CACNA1C: variants seen among roughly 807,000 people sequenced by gnomAD.
CACNA1C encodes the protein voltage-dependent L-type calcium channel subunit alpha-1C.
A neutral mutation model predicts 229.0 loss-of-function variants in CACNA1C; 30 were observed. The ratio of observed to expected loss-of-function variants is 0.13; its 90% CI spans 0.10 to 0.18. The LOEUF (loss-of-function observed/expected upper bound fraction) is 0.18, where lower values mean the gene tolerates loss of function less well. CACNA1C is among the 10% of genes least tolerant of loss of function. The pLI is 1.00. For synonymous variants in CACNA1C, 1,114 were observed against 1,132.5 expected (o/e 0.98, Z 0.33); for missense variants, 1,658 against 2,845.0 (o/e 0.58, Z 9.49).
rs2099056927 is a variant in CACNA1C at position 2,428,871 on chromosome 12, G to A, written c.478-20105G>A. Reference sequence around the variant, plus strand: ...TTGTCACGCTGATTCTGTGCAAAGAGGAGAAGCTGGGAGCATCTTAGGTGA... The same window carrying A: ...TTGTCACGCTGATTCTGTGCAAAGAAGAGAAGCTGGGAGCATCTTAGGTGA... On this transcript the variant is annotated intron_variant, in intron 3 of 46. Transcript: ENST00000399655. Among the ~76,000 whole-genome samples, 3 of 152,334 alleles carry A rather than the reference G, an allele frequency of 2.0e-5. No individual in the cohort carries two copies. The South Asian group carries it at 6.2e-4, about 32-fold the overall frequency.
At chr12:2,650,827 C>T (rs535459401) in intron 31 of CACNA1C, among the ~76,000 whole-genome samples, 14 of 152,274 alleles carry the variant, frequency 9.2e-5, no homozygotes, top group African/African-American at 3.4e-4. Flanking sequence ...GGGAGACCAT[C>T]TGCAGAAGCC....
At chr12:2,088,800 AAC>A (rs1156633106) in intron 1 of CACNA1C, among the ~76,000 whole-genome samples, 1 of 152,142 alleles carries the variant, frequency 6.6e-6, no homozygotes, top group Non-Finnish European at 1.5e-5. Context: ...GATGACCATC[AAC>A]ACACGGGGAA....
At chr12:1,992,077 G>A (rs2039557822) in intron 1 of CACNA1C, 1 of 368,978 alleles carries the variant, frequency 2.7e-6, no homozygotes, top group South Asian at 2.6e-5. Context: ...GGGTCCTGGA[G>A]TTGGAATTCC....
intron 43 of CACNA1C, among the ~76,000 whole-genome samples, chr12:2,685,197 C>T (rs2097385225): frequency 6.6e-6 from 1 of 151,600 alleles, no homozygotes; most frequent in Non-Finnish European, 1.5e-5. Flanking sequence ...GCCTGGAAGC[C>T]ATAGACTAGA....
In CACNA1C at chr12:2,666,589, T is replaced by C; in HGVS notation, c.4527-97T>C. The C allele has an allele frequency of 2.9e-6, 2 of 697,884 alleles. No homozygotes were observed. The highest frequency in any genetic ancestry group is 5.1e-6 in the Non-Finnish European group (2 of 391,016). 43.2% of individuals were successfully genotyped at this position (697,884 alleles called of 1,614,324 possible). A position where few individuals can be genotyped will look rare whatever the true frequency, so the allele number is the denominator to read the frequency against. ...CTACCACACTGTGCAGTGTTGCCCATATGAGTGGGCCCTACCCCTCAGGCG... is the reference window on the plus strand; with the variant it reads ...CTACCACACTGTGCAGTGTTGCCCACATGAGTGGGCCCTACCCCTCAGGCG... On this transcript the variant is annotated intron_variant, in intron 36 of 46. Transcript: ENST00000399655. The surrounding 1 kb of genome is among the most constrained non-coding windows in gnomAD (Gnocchi z 5.3).
Position 2,678,504 on chromosome 12 carries a change from A to G in CACNA1C, c.5091+637A>G, listed in dbSNP as rs957492130. Among the ~76,000 whole-genome samples, 2 of 152,144 alleles carry G rather than the reference A, an allele frequency of 1.3e-5. No homozygotes were observed. Among genetic ancestry groups the G allele is most frequent in the African/African-American group, 4.8e-5 (2 of 41,426 alleles). ...ACTCATTTGTGTTGCCTGCCTCACC[A>G]CGCTGGTGTTTGGTTACAAATCCTT... On this transcript the variant is annotated intron_variant, in intron 41 of 46. Transcript: ENST00000399655. The surrounding 1 kb of genome is among the most constrained non-coding windows in gnomAD (Gnocchi z 4.1).
chr12:2,417,308 C>T (rs2098920988), intron 3 of CACNA1C, among the ~76,000 whole-genome samples: 1 of 152,234 alleles, frequency 6.6e-6, no homozygotes, highest in South Asian at 2.1e-4. Flanking sequence ...TTGTGACCCA[C>T]TTGCAGTCAT....
chr12:2,276,088 T>C (rs1323300285), intron 3 of CACNA1C, among the ~76,000 whole-genome samples: 4 of 151,964 alleles, frequency 2.6e-5, no homozygotes, highest in Admixed American at 2.0e-4. Context: ...GATTTTTTTT[T>C]CCTAATATTT....
intron 8 of CACNA1C, among the ~76,000 whole-genome samples, chr12:2,511,446 G>C (rs768037136): frequency 2.0e-5 from 3 of 152,108 alleles, no homozygotes; most frequent in Non-Finnish European, 4.4e-5. Context: ...GCCTTTCCTA[G>C]AGTGTGGCTT....
chr12:2,580,774 C>T (rs2060200191), intron 13 of CACNA1C, among the ~76,000 whole-genome samples: 1 of 152,192 alleles, frequency 6.6e-6, no homozygotes, highest in Non-Finnish European at 1.5e-5. Flanking sequence ...CCCCTCAGGA[C>T]CGAGCTCCTG....
At chr12:2,115,657 G>C (rs540215817) in intron 2 of CACNA1C, 112 bp downstream of exon 2, 2 of 989,672 alleles carry the variant, frequency 2.0e-6, no homozygotes, top group African/African-American at 3.2e-5. Flanking sequence ...TACAAACGGG[G>C]CCTCGGGCCT....
At chr12:2,072,912 C>G (rs1484145260) in intron 1 of CACNA1C, among the ~76,000 whole-genome samples, 1 of 152,062 alleles carries the variant, frequency 6.6e-6, no homozygotes, top group Admixed American at 6.6e-5. Flanking sequence ...ACAAGCATAA[C>G]CAATTTTGAC....
chr12:2,585,379 T>C lies in CACNA1C; in HGVS notation c.2343T>C (p.Thr781=), dbSNP rs764664452. 1 of 1,612,712 alleles carries C rather than the reference T, an allele frequency of 6.2e-7. No individual in the cohort carries two copies. The highest frequency in any genetic ancestry group is 8.5e-7 in the Non-Finnish European group (1 of 1,179,372). ...TTTTCTGCTGCTGACTGGCCAGGAC[T>C]GCCAGCCCAGAGAAGAAACAAGAGT... ...EEKERKKLAR[T]ASPEKKQELV... The change falls in exon 17 of 47, where the codon ACT becomes ACC. Residue 781 remains threonine (T), a synonymous_variant. Coordinates refer to ENST00000399655, the MANE Select transcript of CACNA1C (RefSeq NM_000719.7). The surrounding 1 kb of genome is among the most constrained non-coding windows in gnomAD (Gnocchi z 4.1).
In CACNA1C at chr12:2,138,206, A is replaced by G. The variant is rs970362564; in HGVS notation, c.477+17776A>G. 5.3e-5 allele frequency among the ~76,000 whole-genome samples: 8 copies of G among 151,418 alleles called. 1 individual carries two copies. The highest frequency in any genetic ancestry group is 1.7e-4 in the African/African-American group (7 of 41,374). The stretch of plus-strand genomic sequence containing the variant: ...TGAGTCCTGAGGAACAAGGTCAGGC[A>G]TCAAGAATAAGGAAGGCCAGGATAT... On this transcript the variant is annotated intron_variant, in intron 3 of 46. Coordinates refer to ENST00000399655, the MANE Select transcript of CACNA1C (RefSeq NM_000719.7).
intron 3 of CACNA1C, among the ~76,000 whole-genome samples, chr12:2,309,496 C>T (rs1449651381): frequency 6.6e-6 from 1 of 151,784 alleles, no homozygotes; most frequent in South Asian, 2.1e-4. Flanking sequence ...CACACATACA[C>T]ACACACACAC....
At position 2,294,131 on chromosome 12, in the gene CACNA1C, C is replaced by T. The variant is rs188624351; in HGVS notation, c.478-154845C>T. ...GGGCATATAATTTAAAATGAAATAT[C>T]GATTGGTAATATATTAATGAAGAGT... On this transcript the variant is annotated intron_variant, in intron 3 of 46. Coordinates refer to ENST00000399655, the MANE Select transcript of CACNA1C (RefSeq NM_000719.7). 1.4e-3 allele frequency among the ~76,000 whole-genome samples: 207 copies of T among 152,182 alleles called. 1 individual carries two copies. Among genetic ancestry groups the T allele is most frequent in the Admixed American group, 5.3e-3 (81 of 15,286 alleles).
chr12:2,376,288 C>T (rs577367934), intron 3 of CACNA1C, among the ~76,000 whole-genome samples: 1 of 152,196 alleles, frequency 6.6e-6, no homozygotes, highest in South Asian at 2.1e-4. Context: ...TTTGGGCAAG[C>T]CACTAAACTC....
intron 30 of CACNA1C, among the ~76,000 whole-genome samples, chr12:2,640,818 G>A (rs1224896579): frequency 6.6e-6 from 1 of 152,226 alleles, no homozygotes; most frequent in African/African-American, 2.4e-5. Context: ...GCTCCTCTCT[G>A]GCTCTGGGTC....
intron 34 of CACNA1C, 147 bp downstream of exon 34, chr12:2,655,385 C>T (rs1453698226): frequency 1.7e-6 from 1 of 582,752 alleles, no homozygotes; most frequent in African/African-American, 1.9e-5. Flanking sequence ...ACAAGGAGGC[C>T]AGTGGGTCCA....
Sources: allele counts gnomAD v4.1 joint callset (sites outside exome capture counted in the v4.1 genomes callset), GRCh38; gene constraint gnomAD v4.1.1; non-coding constraint Gnocchi (gnomAD v3.1); transcripts MANE v1.5; gene names NCBI Gene and HGNC (gene_info 2026-07-23, HGNC 2026-07-21).